The following DNMBP variants were observed in gnomAD, a reference collection of about 807,000 sequenced individuals.
The protein encoded by DNMBP is dynamin binding protein, also known as dynamin-binding protein.
A neutral mutation model predicts 150.0 loss-of-function variants in DNMBP; 87 were observed. That is an observed-to-expected ratio of 0.58 (90% CI 0.49 to 0.69). The LOEUF is 0.69. Among genes scored for constraint, DNMBP ranks in the 30% least tolerant of loss-of-function variants. DNMBP has a pLI of 0.00. For synonymous variants in DNMBP, 711 were observed against 750.4 expected (o/e 0.95, Z 0.86); for missense variants, 1,774 against 1,949.0 (o/e 0.91, Z 1.69).
At chr10:99,919,907 G>A (rs749030580) in intron 4 of DNMBP, among the ~76,000 whole-genome samples, 18 of 152,206 alleles carry the variant, frequency 1.2e-4, no homozygotes, top group Non-Finnish European at 1.5e-5. Flanking sequence ...AAACTAGATG[G>A]TCTTTAAAGT....
intron 1 of DNMBP, among the ~76,000 whole-genome samples, chr10:99,982,096 CCT>C (rs779785184): frequency 7.2e-5 from 11 of 152,254 alleles, no homozygotes; most frequent in African/African-American, 2.4e-4. Flanking sequence ...CTGCTGGGCC[CCT>C]GAGTGATACA....
intron 1 of DNMBP, among the ~76,000 whole-genome samples, chr10:100,000,154 T>C (rs1435164620): frequency 6.6e-6 from 1 of 152,216 alleles, no homozygotes; most frequent in African/African-American, 2.4e-5. Flanking sequence ...ATTAGAATAC[T>C]TACCGTTCAG....
chr10:99,878,344 C>T (rs1376692008), intron 16 of DNMBP, among the ~76,000 whole-genome samples: 4 of 152,180 alleles, frequency 2.6e-5, no homozygotes, highest in African/African-American at 9.7e-5. Flanking sequence ...GGGACACGTG[C>T]CCCAAGGGCT....
At chr10:99,921,690 C>A in intron 4 of DNMBP, among the ~76,000 whole-genome samples, 1 of 99,154 alleles carries the variant, frequency 1.0e-5, no homozygotes, top group East Asian at 2.3e-4. Flanking sequence ...TCTGTCTCTA[C>A]TGAAAAAAAA....
chr10:99,947,840 T>C (rs1196340411), intron 4 of DNMBP, among the ~76,000 whole-genome samples: 2 of 152,272 alleles, frequency 1.3e-5, no homozygotes, highest in Non-Finnish European at 2.9e-5. Context: ...GCTCTTTTAA[T>C]GTTTTACATT....
intron 4 of DNMBP, among the ~76,000 whole-genome samples, chr10:99,911,586 GGA>G (rs1464685618): frequency 1.8e-4 from 28 of 152,280 alleles, no homozygotes; most frequent in African/African-American, 6.5e-4. Flanking sequence ...AACTGCATGT[GGA>G]GAGTGGGGAT....
At position 99,955,844 on chromosome 10, in the gene DNMBP, C is replaced by T. The variant is rs534314610; in HGVS notation, c.1630G>A (p.Gly544Ser). The change falls in exon 4 of 17, where the codon GGC becomes AGC. Residue 544 changes from glycine (G) to serine (S), a missense_variant. Gly to Ser is a moderately conservative substitution (Grantham distance 56). Coordinates refer to ENST00000324109, the MANE Select transcript of DNMBP (RefSeq NM_015221.4). ...AGCTTCGAGTCCAGGTCAGTGCTGC[C>T]GTCTCCCTGTGAATGTGTTGCTGCT... is the stretch of plus-strand genomic sequence containing the variant. ...MEAATHSQGD[G>S]STDLDSKLTQ... 13 of 1,614,190 alleles carry T rather than the reference C, an allele frequency of 8.1e-6. No individual in the cohort carries two copies. The highest frequency in any genetic ancestry group is 2.2e-5 in the East Asian group (1 of 44,882).
intron 4 of DNMBP, among the ~76,000 whole-genome samples, chr10:99,912,410 T>C (rs949600214): frequency 5.3e-5 from 8 of 152,178 alleles, no homozygotes; most frequent in Non-Finnish European, 1.2e-4. Context: ...CCAGCCTATG[T>C]ATTAGATTTT....
At position 99,920,986 on chromosome 10, in the gene DNMBP, C is replaced by T. The variant is rs11190321; in HGVS notation, c.2261-11840G>A. Among the ~76,000 whole-genome samples, 852 of 152,228 alleles carry T rather than the reference C, an allele frequency of 5.6e-3. 18 individuals carry two copies. In the East Asian group the frequency reaches 0.079, roughly 14 times the overall value. The stretch of plus-strand genomic sequence containing the variant: ...TGAGCCACCATGCCCAGCCGACTTC[C>T]CACTCTTTTACTTCATTTACTCCTC... On this transcript the variant is annotated intron_variant, in intron 4 of 16. Coordinates refer to ENST00000324109, the MANE Select transcript of DNMBP (RefSeq NM_015221.4).
chr10:99,911,219 T>TA lies in DNMBP; in HGVS notation c.2261-2074dup, dbSNP rs61149144. On this transcript the variant is annotated intron_variant, in intron 4 of 16. Transcript: ENST00000324109. The stretch of plus-strand genomic sequence containing the variant: ...TTATGCCACTGCACTCCAGCCTGAG[T>TA]AAAAAAAAAATCTGGCCAGGTGCAG... Among the ~76,000 whole-genome samples the TA allele has an allele frequency of 1.4e-3, 196 of 142,418 alleles. 1 individual carries two copies. Among genetic ancestry groups the TA allele is most frequent in the African/African-American group, 4.7e-3 (181 of 38,338 alleles). The allele number at this position is 142,418 out of a possible 152,430, so 93.4% of individuals were successfully genotyped here.
In DNMBP at chr10:99,879,811, C is replaced by T; in HGVS notation, c.4548G>A (p.Gln1516=). ...AGTGGCAGGCCTCTTACGCACTCAC[C>T]TGGTTGCCTTCTGCCTCACTGCCAT... ...EPDGSEAEGN[Q]VYFAVYTFKA... Residue 1516 remains glutamine (Q), a splice_region_variant and synonymous_variant, in exon 16 of 17, where the codon CAG becomes CAA. Transcript: ENST00000324109. 1.2e-6 allele frequency: 2 copies of T among 1,613,886 alleles called. No individual in the cohort carries two copies. The highest frequency in any genetic ancestry group is 1.7e-6 in the Non-Finnish European group (2 of 1,179,774).
intron 1 of DNMBP, among the ~76,000 whole-genome samples, chr10:99,990,771 A>G (rs1419768101): frequency 8.5e-6 from 1 of 117,388 alleles, no homozygotes; most frequent in Non-Finnish European, 1.8e-5. Context: ...ATACACATAT[A>G]TACACATATA....
intron 11 of DNMBP, among the ~76,000 whole-genome samples, chr10:99,891,388 C>T (rs916924361): frequency 9.9e-5 from 15 of 151,484 alleles, no homozygotes; most frequent in Admixed American, 2.0e-4. Context: ...TTGGCCAGGC[C>T]GGTCTCCAGC....
At chr10:99,906,761 G>A (rs1253530595) in intron 6 of DNMBP, among the ~76,000 whole-genome samples, 1 of 152,136 alleles carries the variant, frequency 6.6e-6, no homozygotes, top group African/African-American at 2.4e-5. Context: ...GCCAACAACT[G>A]ACTCCAACCT....
At chr10:99,954,744 CA>C (rs751589220) in intron 4 of DNMBP, among the ~76,000 whole-genome samples, 6,000 of 48,860 alleles carry the variant, frequency 0.12, 117 homozygotes, top group African/African-American at 0.18. Context: ...AACTCTGTCT[CA>C]AAAAAAAAAA....
At chr10:99,924,654 G>C (rs958100512) in intron 4 of DNMBP, among the ~76,000 whole-genome samples, 1 of 152,186 alleles carries the variant, frequency 6.6e-6, no homozygotes, top group African/African-American at 2.4e-5. Context: ...ACAGACATTA[G>C]TTAATAAACA....
At chr10:100,008,717 A>G (rs758844562) in intron 1 of DNMBP, among the ~76,000 whole-genome samples, 3 of 152,224 alleles carry the variant, frequency 2.0e-5, no homozygotes, top group Admixed American at 6.5e-5. Context: ...CCTTTAATTC[A>G]ATATTTTAGA....
chr10:99,974,704 A>AT (rs2133358491), intron 1 of DNMBP, among the ~76,000 whole-genome samples: 1 of 152,284 alleles, frequency 6.6e-6, no homozygotes, highest in South Asian at 2.1e-4. Flanking sequence ...TCCATCTCAC[A>AT]TACAACCATC....
chr10:99,932,127 T>G (rs1012375424), intron 4 of DNMBP, among the ~76,000 whole-genome samples: 17 of 152,250 alleles, frequency 1.1e-4, no homozygotes, highest in African/African-American at 4.1e-4. Flanking sequence ...CAGGCCTTAA[T>G]AAGATTACTC....
Sources: allele counts gnomAD v4.1 joint callset (sites outside exome capture counted in the v4.1 genomes callset), GRCh38; gene constraint gnomAD v4.1.1; transcripts MANE v1.5; gene names NCBI Gene and HGNC (gene_info 2026-07-23, HGNC 2026-07-21).